Variants in NDUFAF7 observed in about 807,000 individuals in gnomAD.
NDUFAF7 encodes the protein NADH:ubiquinone oxidoreductase complex assembly factor 7, also known as protein arginine methyltransferase NDUFAF7, mitochondrial.
A neutral mutation model predicts 47.2 loss-of-function variants in NDUFAF7; 48 were observed. The ratio of observed to expected loss-of-function variants is 1.02; its 90% CI spans 0.81 to 1.29. The LOEUF is 1.29. Among genes scored for constraint, NDUFAF7 ranks in the 50% most tolerant of loss-of-function variants. The probability of loss-of-function intolerance (pLI) is 0.00; values close to 1 mark genes in which losing one functional copy is unlikely to be tolerated. For missense variants in NDUFAF7, 635 were observed against 537.6 expected, an observed-to-expected ratio of 1.18 and a Z score of -1.79; for synonymous variants, 217 against 190.0, an observed-to-expected ratio of 1.14 and a Z score of -1.17.
At chr2:37,260,426 A>G in the NDUFAF7 span, 5 of 1,541,846 alleles carry the variant, frequency 3.2e-6, no homozygotes, top group East Asian at 2.3e-5. Context: ...TTAAGCAGAG[A>G]AACAGTTTTA....
At chr2:37,265,918 C>G in the NDUFAF7 span, among the ~76,000 whole-genome samples, 1 of 152,170 alleles carries the variant, frequency 6.6e-6, no homozygotes, top group Non-Finnish European at 1.5e-5. Context: ...TTACTCAGAG[C>G]TGTGTTTGTG....
downstream of NDUFAF7, chr2:37,254,088 T>C (rs1319232676): frequency 1.1e-5 from 8 of 727,214 alleles, no homozygotes; most frequent in Non-Finnish European, 1.9e-5. Context: ...TACAAATTAA[T>C]CACTTAAGAG....
the NDUFAF7 span, among the ~76,000 whole-genome samples, chr2:37,264,118 T>C: frequency 6.6e-6 from 1 of 152,188 alleles, no homozygotes; most frequent in African/African-American, 2.4e-5. Flanking sequence ...TCCCCAATTT[T>C]TTTCCTGCTC....
At chr2:37,243,836 T>A in intron 6 of NDUFAF7, 27 bp from the exon 7 acceptor site, 1 of 1,593,688 alleles carries the variant, frequency 6.3e-7, no homozygotes, top group Non-Finnish European at 8.6e-7. Context: ...TGCAAAAATT[T>A]GTTTTTATGT....
intron 1 of NDUFAF7, 37 bp from the exon 2 acceptor site, chr2:37,232,069 T>C: frequency 6.2e-7 from 1 of 1,614,110 alleles, no homozygotes; most frequent in East Asian, 2.2e-5. Flanking sequence ...AATGGTCAGA[T>C]TTATCATGGG....
downstream of NDUFAF7, among the ~76,000 whole-genome samples, chr2:37,256,322 A>G (rs1197325557): frequency 6.6e-6 from 1 of 152,188 alleles, no homozygotes; most frequent in Non-Finnish European, 1.5e-5. Flanking sequence ...ACCATAAATG[A>G]AAGTAATGTT....
chr2:37,258,752 G>A, the NDUFAF7 span, among the ~76,000 whole-genome samples: 1 of 152,110 alleles, frequency 6.6e-6, no homozygotes, highest in Non-Finnish European at 1.5e-5. Flanking sequence ...AAAGCTGAAC[G>A]ATTTTTAATA....
At chr2:37,247,397 G>A (rs1217185033) in intron 8 of NDUFAF7, 59 bp from the exon 9 acceptor site, 1 of 1,561,464 alleles carries the variant, frequency 6.4e-7, no homozygotes, top group African/African-American at 1.4e-5. Flanking sequence ...TAATATGATA[G>A]CATTTCTTTA....
chr2:37,249,643 G>GACACACAC (rs56208997), downstream of NDUFAF7, among the ~76,000 whole-genome samples: 1,480 of 132,612 alleles, frequency 0.011, 36 homozygotes, highest in South Asian at 0.031. Flanking sequence ...CTGTGATAGA[G>GACACACAC]ACACACACAC....
chr2:37,264,274 ATGTAT>A, the NDUFAF7 span, among the ~76,000 whole-genome samples: 1 of 152,232 alleles, frequency 6.6e-6, no homozygotes. Context: ...CAATCTAACA[ATGTAT>A]TGTAATTTCC....
At chr2:37,248,063 CATT>C in intron 9 of NDUFAF7, 69 bp from the exon 10 acceptor site, 4 of 1,183,144 alleles carry the variant, frequency 3.4e-6, no homozygotes, top group Non-Finnish European at 4.9e-6. Flanking sequence ...ATTTGAGAGT[CATT>C]AGTATTGCTG....
the NDUFAF7 span, among the ~76,000 whole-genome samples, chr2:37,270,623 C>T: frequency 0.015 from 2,215 of 152,286 alleles, 41 homozygotes; most frequent in African/African-American, 0.043. Context: ...TGGAACTTCA[C>T]TTAGCAGACC....
chr2:37,245,819 TAA>T (rs1336442197), intron 7 of NDUFAF7, among the ~76,000 whole-genome samples: 1 of 152,200 alleles, frequency 6.6e-6, no homozygotes, highest in African/African-American at 2.4e-5. Flanking sequence ...TGCCTTTTTA[TAA>T]AAGAGATTAA....
chr2:37,259,984 G>T, the NDUFAF7 span, among the ~76,000 whole-genome samples: 146 of 152,182 alleles, frequency 9.6e-4, no homozygotes, highest in African/African-American at 3.4e-3. Flanking sequence ...GGCCAACACG[G>T]TGAAACCCCA....
intron 6 of NDUFAF7, among the ~76,000 whole-genome samples, chr2:37,243,129 C>G (rs577128930): frequency 6.6e-6 from 1 of 152,038 alleles, no homozygotes; most frequent in Non-Finnish European, 1.5e-5. Context: ...ACCCAGCCAA[C>G]CTTAGCACAT....
intron 7 of NDUFAF7, 83 bp downstream of exon 7, chr2:37,244,056 T>C: frequency 8.3e-7 from 1 of 1,203,668 alleles, no homozygotes; most frequent in South Asian, 1.3e-5. Flanking sequence ...TTTAGAGTTT[T>C]AGAGTTCCTT....
the NDUFAF7 span, among the ~76,000 whole-genome samples, chr2:37,265,508 A>AC: frequency 3.8e-4 from 57 of 151,244 alleles, no homozygotes; most frequent in Admixed American, 7.9e-4. Context: ...CACACACACA[A>AC]ACACACACAC....
chr2:37,254,787 G>C (rs548315308), downstream of NDUFAF7, among the ~76,000 whole-genome samples: 8 of 152,200 alleles, frequency 5.3e-5, no homozygotes, highest in African/African-American at 1.9e-4. Context: ...GGTCTGGAAA[G>C]GCACTGCCTT....
rs540220993 is a variant in NDUFAF7, at chr2:37,242,193, G to C, written c.622+402G>C. ...GCCTAAAGACAAGCAAGGTGTGGGG[G>C]AAAATCCCTGTACTAGTCAGGAATA... is the stretch of plus-strand genomic sequence containing the variant. On this transcript the variant is annotated intron_variant, in intron 5 of 9. Coordinates refer to ENST00000002125, the MANE Select transcript of NDUFAF7 (RefSeq NM_144736.5). The C allele has an allele frequency of 7.2e-4, 182 of 253,992 alleles. 2 individuals are homozygous for C. The highest frequency in any genetic ancestry group is 6.4e-3 in the South Asian group (122 of 19,200). 15.7% of individuals were successfully genotyped at this position (253,992 alleles called of 1,614,324 possible).
Sources: allele counts gnomAD v4.1 joint callset (sites outside exome capture counted in the v4.1 genomes callset), GRCh38; gene constraint gnomAD v4.1.1; transcripts MANE v1.5; gene names NCBI Gene and HGNC (gene_info 2026-07-23, HGNC 2026-07-21).